The following CELF2 variants were observed in gnomAD, a reference collection of about 807,000 sequenced individuals.
CELF2 encodes the protein CUG triplet repeat RNA-binding protein 2.
In CELF2, 8 loss-of-function variants were observed where a neutral mutation model predicts 62.6. That is an observed-to-expected ratio of 0.13 (90% CI 0.07 to 0.23). The LOEUF is 0.23. Ranked by LOEUF, CELF2 falls within the 10% of genes least tolerant of loss-of-function variation. The probability of loss-of-function intolerance (pLI) is 1.00; values close to 1 mark genes in which losing one functional copy is unlikely to be tolerated. For synonymous variants in CELF2, 258 were observed against 250.0 expected, an observed-to-expected ratio of 1.03 and a Z score of -0.30; for missense variants, 333 against 671.0, an observed-to-expected ratio of 0.50 and a Z score of 5.56.
chr10:10,582,550 C>T, the CELF2 span, among the ~76,000 whole-genome samples: 1 of 152,142 alleles, frequency 6.6e-6, no homozygotes. Flanking sequence ...CCACCTCTCC[C>T]AATCCTTTCC....
chr10:10,881,630 A>G (rs1231698511), intron 1 of CELF2, among the ~76,000 whole-genome samples: 2 of 152,156 alleles, frequency 1.3e-5, no homozygotes, highest in African/African-American at 4.8e-5. Flanking sequence ...TCCCGATCTG[A>G]CTTTTGATGA....
In CELF2 at chr10:11,220,754, C is replaced by A. The variant is rs1036444239; in HGVS notation, c.354+3247C>A. On this transcript the variant is annotated intron_variant, in intron 3 of 12. Coordinates refer to ENST00000633077, the MANE Select transcript of CELF2 (RefSeq NM_001326342.2). This position sits in a 1 kb window ranked among gnomAD's most constrained non-coding sequence, Gnocchi z 4.4. ...CTGGGAGTCCTTCCCTTGGTTTGAT[C>A]ACACATCTCCTCTAGAAGTGGTTGC... Among the ~76,000 whole-genome samples the A allele has an allele frequency of 1.3e-5, 2 of 152,210 alleles. No individual in the cohort carries two copies. Among genetic ancestry groups the A allele is most frequent in the African/African-American group, 4.8e-5 (2 of 41,454 alleles).
rs1304105654 is a variant in CELF2 at position 11,330,096 on chromosome 10, T to A, written c.*1043T>A. The stretch of plus-strand genomic sequence containing the variant: ...GAACCCTAGACCTGAAGTTCATGCT[T>A]TATCCTCTCGTTGTTTGTATCTGTC... On this transcript the variant is annotated 3_prime_UTR_variant, in exon 13 of 13. Transcript: ENST00000633077. This position sits in a 1 kb window ranked among gnomAD's most constrained non-coding sequence, Gnocchi z 4.5. 6.6e-6 allele frequency: 1 copy of A among 152,646 alleles called. No individual in the cohort carries two copies. The highest frequency in any genetic ancestry group is 2.4e-5 in the African/African-American group (1 of 41,452). 9.5% of individuals were successfully genotyped at this position (152,646 alleles called of 1,614,324 possible).
At chr10:10,481,049 G>A in the CELF2 span, among the ~76,000 whole-genome samples, 1 of 152,106 alleles carries the variant, frequency 6.6e-6, no homozygotes, top group Non-Finnish European at 1.5e-5. Flanking sequence ...GTTGACAAGA[G>A]TGAGACTTCA....
chr10:10,540,473 G>T, the CELF2 span, among the ~76,000 whole-genome samples: 1 of 152,156 alleles, frequency 6.6e-6, no homozygotes, highest in Non-Finnish European at 1.5e-5. Context: ...ATCTAAGCTG[G>T]CTTTGCCTTT....
At chr10:11,284,771 GGGTGGATGGATGGAT>G (rs915715962) in intron 8 of CELF2, among the ~76,000 whole-genome samples, 3 of 151,106 alleles carry the variant, frequency 2.0e-5, no homozygotes, top group African/African-American at 7.3e-5. Flanking sequence ...GTAGATATGT[GGGTGGATGGATGGAT>G]GGTGGATGGA....
chr10:10,889,646 T>C (rs2061996611), intron 1 of CELF2, among the ~76,000 whole-genome samples: 1 of 152,206 alleles, frequency 6.6e-6, no homozygotes, highest in Non-Finnish European at 1.5e-5. Context: ...CATGAGCAAA[T>C]GTGCAGATCT....
rs1168441637 is a variant in CELF2 at position 11,319,080 on chromosome 10, C to G, written c.1097-2109C>G. 3 of 470,458 alleles carry G rather than the reference C, an allele frequency of 6.4e-6. No individual in the cohort carries two copies. The highest frequency in any genetic ancestry group is 1.3e-5 in the Non-Finnish European group (3 of 227,060). 29.1% of individuals were successfully genotyped at this position (470,458 alleles called of 1,614,324 possible). A position where few individuals can be genotyped will look rare whatever the true frequency, so the allele number is the denominator to read the frequency against. ...TGCGAGGCACACCCAGAACCTCATG[C>G]CTTGAGATCCAAGCAGAGCGGCGAG... On this transcript the variant is annotated intron_variant, in intron 10 of 12. Coordinates refer to ENST00000633077, the MANE Select transcript of CELF2 (RefSeq NM_001326342.2). This position sits in a 1 kb window ranked among gnomAD's most constrained non-coding sequence, Gnocchi z 4.4.
chr10:11,303,118 C>G (rs1248486839), intron 9 of CELF2, among the ~76,000 whole-genome samples: 1 of 152,202 alleles, frequency 6.6e-6, no homozygotes, highest in East Asian at 1.9e-4. Flanking sequence ...TCCTCTGTAT[C>G]GAACTAAAAT....
At chr10:11,287,735 C>G (rs1441674135) in intron 8 of CELF2, among the ~76,000 whole-genome samples, 1 of 152,180 alleles carries the variant, frequency 6.6e-6, no homozygotes, top group East Asian at 1.9e-4. Flanking sequence ...ATGGCAATAG[C>G]AATAACAAAA....
At chr10:11,065,838 G>C (rs138333085) in intron 1 of CELF2, among the ~76,000 whole-genome samples, 3,470 of 152,252 alleles carry the variant, frequency 0.023, 55 homozygotes, top group Middle Eastern at 0.031. Context: ...TCCAGATTTG[G>C]AGGGCCCGGG....
chr10:10,723,147 A>C, the CELF2 span, among the ~76,000 whole-genome samples: 1 of 152,206 alleles, frequency 6.6e-6, no homozygotes, highest in African/African-American at 2.4e-5. Context: ...GGAAATATGG[A>C]CCATTCCCTA....
intron 2 of CELF2, chr10:10,946,194 C>T (rs2047659860): frequency 6.6e-6 from 1 of 152,520 alleles, no homozygotes; most frequent in Non-Finnish European, 1.5e-5. Context: ...GCCTCTGGCT[C>T]ATAATGGGAA....
the CELF2 span, among the ~76,000 whole-genome samples, chr10:10,498,532 G>A: frequency 1.3e-5 from 2 of 152,228 alleles, no homozygotes; most frequent in Middle Eastern, 3.2e-3. Context: ...AAGGAGACTG[G>A]TTAGAGAAAT....
At chr10:11,263,669 G>T (rs2081364424) in intron 5 of CELF2, among the ~76,000 whole-genome samples, 1 of 152,186 alleles carries the variant, frequency 6.6e-6, no homozygotes, top group Non-Finnish European at 1.5e-5. Context: ...CTTCTGGTTG[G>T]CTTGAGAGAA....
chr10:10,809,932 C>G lies in CELF2; in HGVS notation c.53+11115C>G, dbSNP rs572821227. 3.9e-5 allele frequency among the ~76,000 whole-genome samples: 6 copies of G among 152,080 alleles called. No homozygotes were observed. The East Asian group carries it at 1.2e-3, about 29-fold the overall frequency. On this transcript the variant is annotated intron_variant, in intron 1 of 13. Transcript: ENST00000636488. The stretch of plus-strand genomic sequence containing the variant: ...CTGAAAACATACCTTTTTTATTGAA[C>G]CAACAATATTAAACTAATCTTACCA...
intron 1 of CELF2, among the ~76,000 whole-genome samples, chr10:10,833,110 T>G (rs1265452116): frequency 6.6e-6 from 1 of 152,078 alleles, no homozygotes; most frequent in Non-Finnish European, 1.5e-5. Context: ...ATGTCATTTC[T>G]TACCTTTCAT....
intron 2 of CELF2, among the ~76,000 whole-genome samples, chr10:10,996,783 C>T (rs1414206255): frequency 6.6e-6 from 1 of 152,080 alleles, no homozygotes; most frequent in Non-Finnish European, 1.5e-5. Flanking sequence ...TTGTTGCCCT[C>T]AACTTTTTTC....
intron 1 of CELF2, among the ~76,000 whole-genome samples, chr10:10,807,244 A>G (rs1232464990): frequency 1.3e-5 from 2 of 152,160 alleles, no homozygotes; most frequent in Non-Finnish European, 2.9e-5. Context: ...TCCCCAAAAT[A>G]TTTTAATGTT....
Sources: gnomAD v4.1 joint callset for allele counts (sites outside exome capture counted in the v4.1 genomes callset) on GRCh38, gnomAD v4.1.1 for gene constraint, Gnocchi (gnomAD v3.1) non-coding constraint, MANE v1.5 for transcripts, NCBI Gene and HGNC (gene_info 2026-07-23, HGNC 2026-07-21) for gene names.